The following PDE1C variants were observed in gnomAD, a reference collection of about 807,000 sequenced individuals.
The protein encoded by PDE1C is dual specificity calcium/calmodulin-dependent 3',5'-cyclic nucleotide phosphodiesterase 1C.
PDE1C carries 62 observed loss-of-function variants against 93.1 expected under a neutral mutation model. The observed-to-expected ratio is 0.67, with a 90% CI of 0.54 to 0.82. The LOEUF (loss-of-function observed/expected upper bound fraction) is 0.82. PDE1C is among the 40% of genes least tolerant of loss of function. The probability of loss-of-function intolerance (pLI) is 0.00; values close to 1 mark genes in which losing one functional copy is unlikely to be tolerated. For synonymous variants in PDE1C, 325 were observed against 310.1 expected (o/e 1.05, Z -0.50); for missense variants, 742 against 884.6 (o/e 0.84, Z 2.04).
At chr7:32,416,668 G>C (rs1180014801) in intron 1 of PDE1C, among the ~76,000 whole-genome samples, 3 of 151,916 alleles carry the variant, frequency 2.0e-5, no homozygotes, top group Non-Finnish European at 4.4e-5. Flanking sequence ...TGGGATGACA[G>C]ACAAGATGAA....
intron 16 of PDE1C, among the ~76,000 whole-genome samples, chr7:31,806,844 C>T (rs967446937): frequency 6.6e-6 from 1 of 151,850 alleles, no homozygotes; most frequent in Non-Finnish European, 1.5e-5. Flanking sequence ...CCACTCATTA[C>T]CTGACATAAT....
chr7:32,172,969 A>C (rs1208766407), intron 2 of PDE1C, among the ~76,000 whole-genome samples: 1 of 152,134 alleles, frequency 6.6e-6, no homozygotes, highest in Admixed American at 6.5e-5. Flanking sequence ...AGGATCTACA[A>C]ACAGAAATAT....
rs75884842 is a variant in PDE1C, at chr7:31,829,568, G to A, written c.1204-1195C>T. 1.8e-4 allele frequency among the ~76,000 whole-genome samples: 28 copies of A among 152,284 alleles called. No homozygotes were observed. The East Asian group carries it at 5.4e-3, about 29-fold the overall frequency. ...AAAGAGAATGGATATTGGCTCACAT[G>A]TAGCATTAACTGAAAGGACGGAAAA... On this transcript the variant is annotated intron_variant, in intron 11 of 17. Transcript: ENST00000396191.
intron 16 of PDE1C, among the ~76,000 whole-genome samples, chr7:31,777,561 T>C (rs1312695472): frequency 2.7e-5 from 4 of 148,944 alleles, no homozygotes; most frequent in Non-Finnish European, 6.0e-5. Flanking sequence ...ACTCCTAACC[T>C]CGTGATCCAC....
chr7:32,365,095 C>A (rs141419339), intron 1 of PDE1C, among the ~76,000 whole-genome samples: 1 of 152,176 alleles, frequency 6.6e-6, no homozygotes, highest in Non-Finnish European at 1.5e-5. Flanking sequence ...CAGTGAAAAG[C>A]CCCTGGTAGA....
intron 1 of PDE1C, among the ~76,000 whole-genome samples, chr7:32,413,727 A>C (rs539844171): frequency 3.9e-5 from 6 of 152,316 alleles, no homozygotes; most frequent in Middle Eastern, 6.8e-3. Context: ...TTAAAATAGT[A>C]AAGATTGTTA....
intron 9 of PDE1C, among the ~76,000 whole-genome samples, chr7:31,846,852 T>A (rs995353962): frequency 2.2e-4 from 34 of 152,242 alleles, no homozygotes; most frequent in African/African-American, 8.2e-4. Flanking sequence ...CATATTCCAA[T>A]AAAATTTAAG....
At chr7:32,246,606 T>C (rs1456900171) in intron 1 of PDE1C, among the ~76,000 whole-genome samples, 1 of 152,208 alleles carries the variant, frequency 6.6e-6, no homozygotes, top group Non-Finnish European at 1.5e-5. Flanking sequence ...GTAATCCCTA[T>C]GATGTTCTTT....
chr7:32,249,786 T>A (rs940368021), intron 1 of PDE1C, among the ~76,000 whole-genome samples: 2 of 152,216 alleles, frequency 1.3e-5, no homozygotes, highest in Non-Finnish European at 2.9e-5. Flanking sequence ...GTCTTAAGTA[T>A]AGTGGAGTCA....
intron 3 of PDE1C, among the ~76,000 whole-genome samples, chr7:32,123,462 A>G (rs1481576978): frequency 6.6e-6 from 1 of 152,192 alleles, no homozygotes; most frequent in Non-Finnish European, 1.5e-5. Context: ...GAAAACCTCA[A>G]TAAAACACCG....
chr7:31,929,492 T>G (rs1803897374), intron 2 of PDE1C, among the ~76,000 whole-genome samples: 1 of 152,236 alleles, frequency 6.6e-6, no homozygotes, highest in Non-Finnish European at 1.5e-5. Flanking sequence ...TACATTCTTC[T>G]TAGCACCACA....
intron 17 of PDE1C, among the ~76,000 whole-genome samples, chr7:31,771,642 TC>T (rs34318292): frequency 0.44 from 66,806 of 151,920 alleles, 15,080 homozygotes; most frequent in African/African-American, 0.49. Flanking sequence ...TAACCCCTTA[TC>T]CCAATATATA....
intron 16 of PDE1C, among the ~76,000 whole-genome samples, chr7:31,799,889 A>T (rs2128686499): frequency 6.6e-6 from 1 of 151,860 alleles, no homozygotes; most frequent in South Asian, 2.1e-4. Flanking sequence ...ACAAACTGAC[A>T]AAGCTGTGTC....
chr7:32,063,593 C>T (rs1795052074), intron 1 of PDE1C, among the ~76,000 whole-genome samples: 2 of 152,176 alleles, frequency 1.3e-5, no homozygotes, highest in South Asian at 4.1e-4. Flanking sequence ...TGATGATGTA[C>T]TAGTAAGCTG....
At chr7:31,906,946 A>G (rs79942634) in intron 2 of PDE1C, among the ~76,000 whole-genome samples, 12,150 of 152,236 alleles carry the variant, frequency 0.08, 688 homozygotes, top group Middle Eastern at 0.14. Flanking sequence ...GCACGTGTGT[A>G]TATACTTTGT....
chr7:32,412,609 G>A (rs541862748), intron 1 of PDE1C, among the ~76,000 whole-genome samples: 26 of 152,244 alleles, frequency 1.7e-4, no homozygotes, highest in African/African-American at 5.8e-4. Flanking sequence ...CCACAAACAC[G>A]TGAGTAATCA....
At chr7:31,953,708 A>G (rs1807727806) in intron 2 of PDE1C, among the ~76,000 whole-genome samples, 1 of 152,172 alleles carries the variant, frequency 6.6e-6, no homozygotes, top group African/African-American at 2.4e-5. Context: ...GGATCCCATC[A>G]AAGAGGCTCT....
chr7:31,914,639 G>A (rs1445258431), intron 2 of PDE1C, among the ~76,000 whole-genome samples: 2 of 152,134 alleles, frequency 1.3e-5, no homozygotes, highest in East Asian at 3.9e-4. Context: ...TTATCACAAA[G>A]GTTGAACATT....
intron 1 of PDE1C, among the ~76,000 whole-genome samples, chr7:32,358,881 T>TTGTGTGTGTGTGTGTGTCTGTGTG (rs66808716): frequency 1.4e-5 from 2 of 147,568 alleles, no homozygotes; most frequent in Non-Finnish European, 3.0e-5. Context: ...TCATCTAACA[T>TTGTGTGTGTGTGTGTGTCTGTGTG]TGTGTGTGTG....
Sources: gnomAD v4.1 joint callset for allele counts (sites outside exome capture counted in the v4.1 genomes callset) on GRCh38, gnomAD v4.1.1 for gene constraint, MANE v1.5 for transcripts, NCBI Gene and HGNC (gene_info 2026-07-23, HGNC 2026-07-21) for gene names.